Variants in RBFOX1 observed in about 807,000 individuals in gnomAD.
RBFOX1 encodes RNA binding fox-1 homolog 1.
In RBFOX1, 8 loss-of-function variants were observed where a neutral mutation model predicts 57.7. That is an observed-to-expected ratio of 0.14 (90% CI 0.08 to 0.25). RBFOX1 has a LOEUF of 0.25. Among genes scored for constraint, RBFOX1 ranks in the 10% least tolerant of loss-of-function variants. RBFOX1 has a pLI of 1.00. For missense variants in RBFOX1, 611 were observed against 548.5 expected, an observed-to-expected ratio of 1.11 and a Z score of -1.14; for synonymous variants, 326 against 222.4, an observed-to-expected ratio of 1.47 and a Z score of -4.15.
intron 2 of RBFOX1, among the ~76,000 whole-genome samples, chr16:6,625,647 GC>G (rs1020541423): frequency 9.6e-5 from 14 of 145,142 alleles, no homozygotes; most frequent in African/African-American, 3.5e-4. Context: ...GTTCCCCACC[GC>G]CCCCGCCCCA....
intron 3 of RBFOX1, among the ~76,000 whole-genome samples, chr16:5,791,887 T>G (rs531864945): frequency 1.9e-4 from 29 of 152,222 alleles, no homozygotes; most frequent in Admixed American, 1.9e-3. Flanking sequence ...GTCATCCTTA[T>G]GGAGGTTTTG....
intron 4 of RBFOX1, among the ~76,000 whole-genome samples, chr16:7,128,866 G>A (rs112559175): frequency 6.8e-6 from 1 of 146,910 alleles, no homozygotes; most frequent in South Asian, 2.2e-4. Context: ...TTGTCGCCAG[G>A]CTGGAGTGCA....
chr16:5,584,487 C>G (rs1259385170), intron 2 of RBFOX1, among the ~76,000 whole-genome samples: 1 of 152,194 alleles, frequency 6.6e-6, no homozygotes, highest in African/African-American at 2.4e-5. Flanking sequence ...TGCCCACTTG[C>G]AAATGGACAT....
chr16:6,070,906 C>T (rs892316857), intron 1 of RBFOX1, among the ~76,000 whole-genome samples: 2 of 151,994 alleles, frequency 1.3e-5, no homozygotes, highest in Admixed American at 1.3e-4. Context: ...ATCTAATGCT[C>T]AGAATGAAGC....
intron 2 of RBFOX1, among the ~76,000 whole-genome samples, chr16:6,374,286 A>T (rs1219168839): frequency 2.0e-5 from 3 of 152,186 alleles, no homozygotes; most frequent in Non-Finnish European, 4.4e-5. Flanking sequence ...TTTGCTTTGG[A>T]ATAAGGGTTA....
chr16:5,612,423 A>C (rs977009842), intron 3 of RBFOX1, among the ~76,000 whole-genome samples: 4 of 151,946 alleles, frequency 2.6e-5, no homozygotes, highest in African/African-American at 9.7e-5. Context: ...GCCAAGACAC[A>C]CTAGGACCCC....
intron 3 of RBFOX1, among the ~76,000 whole-genome samples, chr16:6,948,963 G>A (rs1477754130): frequency 1.3e-5 from 2 of 152,074 alleles, no homozygotes; most frequent in African/African-American, 2.4e-5. Flanking sequence ...TTGGGTTGCT[G>A]TAGAATGGGA....
intron 2 of RBFOX1, among the ~76,000 whole-genome samples, chr16:6,402,777 G>A (rs750261606): frequency 3.9e-5 from 6 of 152,066 alleles, no homozygotes; most frequent in Non-Finnish European, 5.9e-5. Flanking sequence ...CTTCTTTCTT[G>A]GGTTTCTGCC....
At chr16:6,713,185 GTATC>G (rs1444111552) in intron 3 of RBFOX1, among the ~76,000 whole-genome samples, 2 of 152,002 alleles carry the variant, frequency 1.3e-5, no homozygotes, top group African/African-American at 4.8e-5. Flanking sequence ...CCAGTCTTGC[GTATC>G]TTCCATCCAT....
intron 1 of RBFOX1, among the ~76,000 whole-genome samples, chr16:5,267,832 A>C (rs1250382279): frequency 6.6e-6 from 1 of 152,192 alleles, no homozygotes; most frequent in Non-Finnish European, 1.5e-5. Flanking sequence ...CTGTAATCCC[A>C]GCACTTTGGG....
chr16:6,750,195 G>C (rs906223985), intron 3 of RBFOX1, among the ~76,000 whole-genome samples: 1 of 152,160 alleles, frequency 6.6e-6, no homozygotes, highest in African/African-American at 2.4e-5. Flanking sequence ...AAAAGAAATA[G>C]CAAAACCTAT....
chr16:6,896,895 A>C (rs934506615), intron 3 of RBFOX1, among the ~76,000 whole-genome samples: 4 of 152,176 alleles, frequency 2.6e-5, no homozygotes, highest in African/African-American at 9.7e-5. Context: ...AATTTAGGTG[A>C]CATTTTTAAA....
chr16:7,439,904 A>T (rs17672645), intron 4 of RBFOX1, among the ~76,000 whole-genome samples: 1 of 151,624 alleles, frequency 6.6e-6, no homozygotes, highest in African/African-American at 2.4e-5. Flanking sequence ...TTAGCAGTCA[A>T]GGCTCCAGGT....
chr16:7,616,049 T>C (rs1235488376), intron 10 of RBFOX1, among the ~76,000 whole-genome samples: 2 of 152,212 alleles, frequency 1.3e-5, no homozygotes, highest in Non-Finnish European at 2.9e-5. Context: ...GTATTGTGAT[T>C]ATTTACTCCA....
chr16:6,914,702 C>T (rs1275372699), intron 3 of RBFOX1, among the ~76,000 whole-genome samples: 3 of 152,154 alleles, frequency 2.0e-5, no homozygotes, highest in Non-Finnish European at 4.4e-5. Flanking sequence ...AGCAAGATCC[C>T]ATCTGTACCA....
rs772199883 is a variant in RBFOX1, at chr16:7,587,732, T to TAA, written c.468+433_468+434dup. Among the ~76,000 whole-genome samples the TAA allele has an allele frequency of 1.3e-4, 20 of 152,334 alleles. No individual in the cohort carries two copies. The East Asian group carries it at 2.7e-3, about 21-fold the overall frequency. On this transcript the variant is annotated intron_variant, in intron 7 of 15. Coordinates refer to ENST00000550418, the MANE Select transcript of RBFOX1 (RefSeq NM_018723.4). ...CTCATATACACCAACCTTTTGAATG[T>TAA]AATTTTATTCTTTAGTATGTTTACC...
At chr16:6,919,978 C>G (rs1182718663) in intron 3 of RBFOX1, among the ~76,000 whole-genome samples, 1 of 152,040 alleles carries the variant, frequency 6.6e-6, no homozygotes, top group African/African-American at 2.4e-5. Context: ...TTACATCATT[C>G]TTGCCCCTTT....
intron 4 of RBFOX1, among the ~76,000 whole-genome samples, chr16:7,484,380 C>A (rs2064828062): frequency 6.6e-6 from 1 of 152,148 alleles, no homozygotes; most frequent in African/African-American, 2.4e-5. Context: ...ATGGTAAGTT[C>A]AGATTTAACA....
At position 7,650,060 on chromosome 16, in the gene RBFOX1, AAAGG is replaced by A. The variant is rs2064672706; in HGVS notation, c.758-3747_758-3744del. Among the ~76,000 whole-genome samples, 8 of 151,840 alleles carry A rather than the reference AAAGG, an allele frequency of 5.3e-5. No homozygotes were observed. In the South Asian group the frequency reaches 1.5e-3, roughly 28 times the overall value. ...GGAAGGACAGGAGGGAGGGAAGACA[AAAGG>A]AAGGAAGAAAAAGGGAGGGGAGAAG... is the stretch of plus-strand genomic sequence containing the variant. On this transcript the variant is annotated intron_variant, in intron 11 of 15. Transcript: ENST00000550418.
Sources: allele counts gnomAD v4.1 joint callset (sites outside exome capture counted in the v4.1 genomes callset), GRCh38; gene constraint gnomAD v4.1.1; transcripts MANE v1.5; gene names NCBI Gene and HGNC (gene_info 2026-07-23, HGNC 2026-07-21).